Variants in MKRN1 observed in about 807,000 individuals in gnomAD.
MKRN1 encodes the protein E3 ubiquitin-protein ligase makorin-1.
A neutral mutation model predicts 55.5 loss-of-function variants in MKRN1; 9 were observed. The observed-to-expected ratio is 0.16, with a 90% CI of 0.10 to 0.28. The LOEUF is 0.28. Ranked by LOEUF, MKRN1 falls within the 10% of genes least tolerant of loss-of-function variation. The pLI is 1.00. For synonymous variants in MKRN1, 253 were observed against 235.9 expected (o/e 1.07, Z -0.66); for missense variants, 488 against 626.7 (o/e 0.78, Z 2.36).
In MKRN1 at chr7:140,479,277, G is replaced by C. The variant is rs1221976155; in HGVS notation, c.68C>G (p.Ala23Gly). 7.2e-7 allele frequency: 1 copy of C among 1,389,282 alleles called. No homozygotes were observed. The highest frequency in any genetic ancestry group is 1.6e-5 in the South Asian group (1 of 60,816). 86.1% of individuals were successfully genotyped at this position (1,389,282 alleles called of 1,614,324 possible). ...TSGAGAAAATAAAASPTPIPT... is the reference protein window; with the variant it reads ...TSGAGAAAATGAAASPTPIPT... ...GATCGGGGTGGGGGAGGCTGCTGCCGCCGTCGCCGCTGCCGCTCCTGCTCC... is the reference window on the plus strand; with the variant it reads ...GATCGGGGTGGGGGAGGCTGCTGCCCCCGTCGCCGCTGCCGCTCCTGCTCC... The change falls in exon 1 of 8, where the codon GCG becomes GGG. Residue 23 changes from alanine (A) to glycine (G), a missense_variant. Around this residue, in one of 2 missense-constraint regions of MKRN1, gnomAD observed 210 missense variants for 220.0 expected, o/e 0.95. Coordinates refer to ENST00000255977, the MANE Select transcript of MKRN1 (RefSeq NM_013446.4).
chr7:140,475,338 C>T (rs1461453554), intron 1 of MKRN1: 2 of 354,110 alleles, frequency 5.6e-6, no homozygotes, highest in Admixed American at 6.9e-5. Flanking sequence ...GACTCCATCT[C>T]AGAAAACAAA....
chr7:140,471,491 G>A (rs774149297), intron 2 of MKRN1, among the ~76,000 whole-genome samples: 7 of 152,062 alleles, frequency 4.6e-5, no homozygotes, highest in Middle Eastern at 3.4e-3. Flanking sequence ...TTTTTTTAAG[G>A]TGGAGTCTCG....
rs1048657906 is a variant in MKRN1 at position 140,454,531 on chromosome 7, C to A, written c.1435G>T (p.Asp479Tyr). The A allele has an allele frequency of 3.7e-6, 6 of 1,612,092 alleles. No homozygotes were observed. Among genetic ancestry groups the A allele is most frequent in the Non-Finnish European group, 5.1e-6 (6 of 1,179,762 alleles). The change falls in exon 8 of 8, where the codon GAC becomes TAC. Residue 479 changes from aspartate to tyrosine, a missense_variant. By Grantham distance (160) the Asp-to-Tyr change is radical (BLOSUM62 -3). Around this residue, in one of 2 missense-constraint regions of MKRN1, gnomAD observed 278 missense variants for 406.7 expected, o/e 0.68. Coordinates refer to ENST00000255977, the MANE Select transcript of MKRN1 (RefSeq NM_013446.4). Reference sequence around the variant, plus strand: ...ACGCAAGGTTGCTATAGATCCAAGTCATAAAAATCTTCCAGCTCATCATGA... The same window carrying A: ...ACGCAAGGTTGCTATAGATCCAAGTAATAAAAATCTTCCAGCTCATCATGA... The part of the protein sequence containing the change: ...LFHDELEDFY[D>Y]LDL
chr7:140,474,033 GAAA>G lies in MKRN1; in HGVS notation c.186-2025_186-2023del, dbSNP rs1563097013. 6.5e-5 allele frequency among the ~76,000 whole-genome samples: 4 copies of G among 61,480 alleles called. 1 individual carries two copies. The African/African-American group carries it at 8.7e-4, about 13-fold the overall frequency. 40.3% of individuals were successfully genotyped at this position (61,480 alleles called of 152,430 possible). ...AGAAAGAAAGAAAGAAAGAAAGAAAGAAAGAAAGAAAGAAAGAAAGAAAGAAAG... is the reference window on the plus strand; with the variant it reads ...AGAAAGAAAGAAAGAAAGAAAGAAAGGAAAGAAAGAAAGAAAGAAAGAAAG... On this transcript the variant is annotated intron_variant, in intron 1 of 7. Coordinates refer to ENST00000255977, the MANE Select transcript of MKRN1 (RefSeq NM_013446.4).
At chr7:140,458,758 C>T (rs1289629608) in intron 4 of MKRN1, among the ~76,000 whole-genome samples, 1 of 152,124 alleles carries the variant, frequency 6.6e-6, no homozygotes, top group African/African-American at 2.4e-5. Flanking sequence ...TGGGCTTGAG[C>T]GATCCTCTTG....
chr7:140,469,940 C>A (rs1794875065), intron 2 of MKRN1, among the ~76,000 whole-genome samples: 1 of 150,692 alleles, frequency 6.6e-6, no homozygotes, highest in Admixed American at 6.7e-5. Flanking sequence ...CCCAGCTACT[C>A]GGGAGGCTGA....
chr7:140,462,254 C>A lies in MKRN1; in HGVS notation c.315-2318G>T, dbSNP rs75932038. ...ATGTTGTCCAGGCTGGTCTCCAACT[C>A]CTGGGCTCAAGCAAGCCTCCTGCCT... On this transcript the variant is annotated intron_variant, in intron 2 of 7. Coordinates refer to ENST00000255977, the MANE Select transcript of MKRN1 (RefSeq NM_013446.4). 9.1e-3 allele frequency among the ~76,000 whole-genome samples: 1,384 copies of A among 152,256 alleles called. 19 individuals are homozygous for A. The highest frequency in any genetic ancestry group is 0.03 in the African/African-American group (1,261 of 41,548).
chr7:140,456,604 T>G (rs1439154234), intron 5 of MKRN1, 48 bp downstream of exon 5: 1 of 1,598,782 alleles, frequency 6.3e-7, no homozygotes, highest in Non-Finnish European at 8.5e-7. Flanking sequence ...GTTACTAAAT[T>G]CTTCCCCAAA....
intron 2 of MKRN1, among the ~76,000 whole-genome samples, chr7:140,470,025 C>T (rs568135663): frequency 4.2e-5 from 5 of 119,862 alleles, no homozygotes; most frequent in Admixed American, 4.2e-4. Flanking sequence ...TCCAGCCTGG[C>T]GACAGAGCTA....
At chr7:140,459,618 A>G (rs1347151065) in intron 3 of MKRN1, 89 bp downstream of exon 3, 6 of 1,270,782 alleles carry the variant, frequency 4.7e-6, no homozygotes, top group African/African-American at 3.0e-5. Flanking sequence ...AAGGAATAGA[A>G]GCAGAAAGGG....
At chr7:140,467,279 C>T (rs1231799530) in intron 2 of MKRN1, among the ~76,000 whole-genome samples, 1 of 151,778 alleles carries the variant, frequency 6.6e-6, no homozygotes, top group East Asian at 1.9e-4. Flanking sequence ...CAGCCGCCCC[C>T]TCCCCCACTT....
chr7:140,467,237 G>C (rs1455310717), intron 2 of MKRN1, among the ~76,000 whole-genome samples: 6 of 151,720 alleles, frequency 4.0e-5, no homozygotes, highest in African/African-American at 1.5e-4. Context: ...GCCTCCCAAA[G>C]TGCTGGGATT....
rs948491767 is a variant in MKRN1, at chr7:140,453,057, TTTAA to T, written c.*1456_*1459del. ...ATTACACAGAACAGCCAACTTTTTT[TTTAA>T]TTGTTTTATTTGGGAAAAGTGCTTC... On this transcript the variant is annotated 3_prime_UTR_variant, in exon 8 of 8. Transcript: ENST00000255977. 135 of 152,774 alleles carry T rather than the reference TTTAA, an allele frequency of 8.8e-4. 1 individual carries two copies. The highest frequency in any genetic ancestry group is 3.1e-3 in the African/African-American group (129 of 41,570). The allele number at this position is 152,774 out of a possible 1,614,324, so 9.5% of individuals were successfully genotyped here.
In MKRN1 at chr7:140,454,404, A is replaced by G; in HGVS notation, c.*113T>C. 1 of 996,458 alleles carries G rather than the reference A, an allele frequency of 1.0e-6. No homozygotes were observed. Among genetic ancestry groups the G allele is most frequent in the Non-Finnish European group, 1.5e-6 (1 of 654,192 alleles). The allele number at this position is 996,458 out of a possible 1,614,324, so 61.7% of individuals were successfully genotyped here. A position where few individuals can be genotyped will look rare whatever the true frequency, so the allele number is the denominator to read the frequency against. On this transcript the variant is annotated 3_prime_UTR_variant, in exon 8 of 8. Coordinates refer to ENST00000255977, the MANE Select transcript of MKRN1 (RefSeq NM_013446.4). ...GGCCCTGGGTAAAAATTCTTAGGAC[A>G]GCACCTGGAGTTGAGAGGCCTGCCT... is the stretch of plus-strand genomic sequence containing the variant.
At chr7:140,472,711 A>T (rs893190661) in intron 1 of MKRN1, among the ~76,000 whole-genome samples, 4 of 151,556 alleles carry the variant, frequency 2.6e-5, no homozygotes, top group African/African-American at 9.7e-5. Flanking sequence ...TGTTACAACG[A>T]ACTATTTTGA....
intron 3 of MKRN1, 41 bp from the exon 4 acceptor site, chr7:140,459,274 A>C (rs367973327): frequency 1.3e-6 from 2 of 1,588,766 alleles, no homozygotes; most frequent in East Asian, 4.5e-5. Context: ...CAAATAGATA[A>C]GGCATGAACT....
chr7:140,474,005 A>AAAGAAAGAAAGAAAG (rs1554450297), intron 1 of MKRN1, among the ~76,000 whole-genome samples: 5 of 65,668 alleles, frequency 7.6e-5, no homozygotes, highest in African/African-American at 1.9e-4. Flanking sequence ...AAAAAAAAAA[A>AAAGAAAGAAAGAAAG]AAAGAAAGAA....
intron 2 of MKRN1, among the ~76,000 whole-genome samples, chr7:140,468,701 C>CAAA (rs528725182): frequency 0.033 from 1,042 of 31,594 alleles, 158 homozygotes; most frequent in African/African-American, 0.079. Flanking sequence ...CTCTGTCTCA[C>CAAA]AAAAAAAAAA....
At chr7:140,461,046 T>C (rs928596787) in intron 2 of MKRN1, among the ~76,000 whole-genome samples, 1 of 152,230 alleles carries the variant, frequency 6.6e-6, no homozygotes, top group African/African-American at 2.4e-5. Flanking sequence ...ATAGTTCCCA[T>C]GGTAACTCTG....
Sources: gnomAD v4.1 joint callset for allele counts (sites outside exome capture counted in the v4.1 genomes callset) on GRCh38, gnomAD v4.1.1 for gene constraint, gnomAD v4.1.1 regional missense constraint, MANE v1.5 for transcripts, NCBI Gene and HGNC (gene_info 2026-07-23, HGNC 2026-07-21) for gene names.